GSTCD: variants seen among roughly 807,000 people sequenced by gnomAD.
The protein encoded by GSTCD is glutathione S-transferase C-terminal domain containing.
In GSTCD, 44 loss-of-function variants were observed where a neutral mutation model predicts 68.3. The ratio of observed to expected loss-of-function variants is 0.64; its 90% CI spans 0.51 to 0.83. The LOEUF (loss-of-function observed/expected upper bound fraction) is 0.83, where lower values mean the gene tolerates loss of function less well. Among genes scored for constraint, GSTCD ranks in the 40% least tolerant of loss-of-function variants. The pLI is 0.00. For missense variants in GSTCD, 739 were observed against 735.9 expected, an observed-to-expected ratio of 1.00 and a Z score of -0.05; for synonymous variants, 273 against 255.2, an observed-to-expected ratio of 1.07 and a Z score of -0.67.
intron 5 of GSTCD, among the ~76,000 whole-genome samples, chr4:105,800,450 A>G (rs1736064679): frequency 6.6e-6 from 1 of 152,174 alleles, no homozygotes. Flanking sequence ...CCATTTAGGC[A>G]GTTTTGCCTG....
At chr4:105,833,407 G>C (rs1243875934) in intron 8 of GSTCD, among the ~76,000 whole-genome samples, 1 of 151,810 alleles carries the variant, frequency 6.6e-6, no homozygotes, top group African/African-American at 2.4e-5. Flanking sequence ...AGGTTGCAGT[G>C]AGCCGAGGTT....
At chr4:105,797,000 G>A (rs371584070) in intron 5 of GSTCD, among the ~76,000 whole-genome samples, 2 of 151,802 alleles carry the variant, frequency 1.3e-5, no homozygotes, top group South Asian at 4.2e-4. Flanking sequence ...AGATTGACTT[G>A]GGTATGGAGA....
intron 5 of GSTCD, among the ~76,000 whole-genome samples, chr4:105,805,596 T>C (rs1450003338): frequency 6.6e-6 from 1 of 152,080 alleles, no homozygotes; most frequent in African/African-American, 2.4e-5. Flanking sequence ...AGGATCGCTC[T>C]TTTATGCAAA....
chr4:105,739,961 C>T (rs1733580392), intron 5 of GSTCD, among the ~76,000 whole-genome samples: 1 of 152,040 alleles, frequency 6.6e-6, no homozygotes, highest in Non-Finnish European at 1.5e-5. Flanking sequence ...GAAACAGCTC[C>T]ACTACTGCTT....
At chr4:105,726,169 A>T (rs1578412150) in intron 3 of GSTCD, among the ~76,000 whole-genome samples, 1 of 152,216 alleles carries the variant, frequency 6.6e-6, no homozygotes, top group African/African-American at 2.4e-5. Flanking sequence ...AATATAGTAT[A>T]TCCACACAAT....
chr4:105,798,786 C>T (rs1735999343), intron 5 of GSTCD, among the ~76,000 whole-genome samples: 1 of 151,784 alleles, frequency 6.6e-6, no homozygotes, highest in African/African-American at 2.4e-5. Flanking sequence ...TATAAGGGCC[C>T]TAGGATTTTC....
intron 3 of GSTCD, among the ~76,000 whole-genome samples, chr4:105,722,432 T>A (rs1051412596): frequency 2.6e-5 from 4 of 152,038 alleles, no homozygotes; most frequent in Non-Finnish European, 5.9e-5. Context: ...AATTTATAAG[T>A]AAAAAACAGA....
chr4:105,791,392 CAAAAAAAAAA>C (rs56388145), intron 5 of GSTCD, among the ~76,000 whole-genome samples: 4 of 57,322 alleles, frequency 7.0e-5, no homozygotes, highest in Admixed American at 5.5e-4. Flanking sequence ...GACTCCGTCT[CAAAAAAAAAA>C]AAAAAAAGAA....
Position 105,717,621 on chromosome 4 carries a change from C to T in GSTCD, c.8C>T (p.Ala3Val). The part of the protein sequence containing the change: MK[A>V]IKKSLTEEEY... ...ACCCAATGAAAGAAGAAAATGAAAG[C>T]CATAAAGAAAAGTCTTACAGAAGAA... Residue 3 changes from alanine to valine, a missense_variant, in exon 2 of 12, where the codon GCC (alanine) becomes GTC (valine). Transcript: ENST00000515279. 6.4e-7 allele frequency: 1 copy of T among 1,554,780 alleles called. No individual in the cohort carries two copies. Among genetic ancestry groups the T allele is most frequent in the Non-Finnish European group, 8.6e-7 (1 of 1,157,282 alleles).
intron 5 of GSTCD, among the ~76,000 whole-genome samples, chr4:105,752,450 T>C (rs1734039225): frequency 6.6e-6 from 1 of 152,128 alleles, no homozygotes; most frequent in South Asian, 2.1e-4. Context: ...GTGTATTATA[T>C]ACAATCTTCT....
rs1723416190 is a variant in GSTCD at position 105,823,465 on chromosome 4, C to A, written c.1401+190C>A. On this transcript the variant is annotated intron_variant, in intron 7 of 11. Transcript: ENST00000515279. ...TAAGGAAAAAAAAGTAAAGTAAGAT[C>A]ATAAAACATTTATCAATTTTTAAAA... 8.9e-6 allele frequency: 4 copies of A among 448,746 alleles called. No individual in the cohort carries two copies. In the South Asian group the frequency reaches 2.0e-4, roughly 23 times the overall value. The allele number at this position is 448,746 out of a possible 1,614,324, so 27.8% of individuals were successfully genotyped here.
chr4:105,793,761 A>ACC (rs1735766765), intron 5 of GSTCD, among the ~76,000 whole-genome samples: 1 of 152,128 alleles, frequency 6.6e-6, no homozygotes, highest in South Asian at 2.1e-4. Flanking sequence ...CAGTAAAAAA[A>ACC]ATTAATGAAT....
At chr4:105,728,972 A>G (rs949090455) in intron 4 of GSTCD, among the ~76,000 whole-genome samples, 11 of 152,140 alleles carry the variant, frequency 7.2e-5, no homozygotes, top group African/African-American at 2.7e-4. Context: ...GTATGTGTTA[A>G]AGTGGTAGCT....
At chr4:105,717,491 T>G in intron 1 of GSTCD, 102 bp from the exon 2 acceptor site, 1 of 763,416 alleles carries the variant, frequency 1.3e-6, no homozygotes, top group South Asian at 2.3e-5. Flanking sequence ...CTACTGCAAA[T>G]TTTTACTGAT....
At chr4:105,756,659 G>A (rs983804173) in intron 5 of GSTCD, among the ~76,000 whole-genome samples, 8 of 151,284 alleles carry the variant, frequency 5.3e-5, no homozygotes, top group Admixed American at 2.0e-4. Context: ...ATGCCAGATG[G>A]CAAGGAAGCC....
At position 105,845,486 on chromosome 4, in the gene GSTCD, C is replaced by T. The variant is rs748768916; in HGVS notation, c.1811C>T (p.Ala604Val). 8.7e-6 allele frequency: 14 copies of T among 1,614,118 alleles called. No individual in the cohort carries two copies. The highest frequency in any genetic ancestry group is 1.1e-5 in the Non-Finnish European group (13 of 1,180,004). The change falls in exon 12 of 12, where the codon GCA (alanine) becomes GTA (valine). Residue 604 changes from alanine (A) to valine (V), a missense_variant. Ala to Val is a moderately conservative substitution (Grantham distance 64). Transcript: ENST00000515279. ...CLVDLDRARA[A>V]EECGYSVQVI... ...GTGGATCTGGATCGAGCAAGAGCTG[C>T]AGAAGAATGTGGATACTCCGTTCAA...
intron 5 of GSTCD, among the ~76,000 whole-genome samples, chr4:105,782,078 C>T (rs1372322246): frequency 6.6e-6 from 1 of 152,158 alleles, no homozygotes; most frequent in Non-Finnish European, 1.5e-5. Flanking sequence ...GGTCTGCAAC[C>T]TCTGTAAACT....
chr4:105,831,572 AAG>A (rs1220196507), intron 8 of GSTCD, among the ~76,000 whole-genome samples: 1 of 152,200 alleles, frequency 6.6e-6, no homozygotes, highest in African/African-American at 2.4e-5. Flanking sequence ...ATTTTTGTTT[AAG>A]AACTCTTTGC....
chr4:105,831,672 T>TTAA (rs1723903975), intron 8 of GSTCD, among the ~76,000 whole-genome samples: 1 of 152,176 alleles, frequency 6.6e-6, no homozygotes, highest in South Asian at 2.1e-4. Context: ...TTGTTATATA[T>TTAA]TAAGAATATA....
Sources: allele counts gnomAD v4.1 joint callset (sites outside exome capture counted in the v4.1 genomes callset), GRCh38; gene constraint gnomAD v4.1.1; transcripts MANE v1.5; gene names NCBI Gene and HGNC (gene_info 2026-07-23, HGNC 2026-07-21).